TMEM232: variants seen among roughly 807,000 people sequenced by gnomAD.
TMEM232 encodes the protein transmembrane protein 232.
TMEM232 carries 80 observed loss-of-function variants against 78.8 expected under a neutral mutation model. The ratio of observed to expected loss-of-function variants is 1.01; its 90% CI spans 0.85 to 1.22. The LOEUF is 1.22. TMEM232 is among the 50% of genes most tolerant of loss of function. The pLI is 0.00. For missense variants in TMEM232, 881 were observed against 742.2 expected, an observed-to-expected ratio of 1.19 and a Z score of -2.17; for synonymous variants, 297 against 254.3, an observed-to-expected ratio of 1.17 and a Z score of -1.60.
At chr5:110,561,847 G>A (rs1775783776) in intron 11 of TMEM232, among the ~76,000 whole-genome samples, 2 of 152,054 alleles carry the variant, frequency 1.3e-5, no homozygotes, top group Admixed American at 6.6e-5. Flanking sequence ...GCTGGATAAT[G>A]CACTTATTGA....
chr5:110,704,792 G>A lies in TMEM232; in HGVS notation c.-13+21835C>T, dbSNP rs190423284. Among the ~76,000 whole-genome samples the A allele has an allele frequency of 9.9e-5, 15 of 152,160 alleles. No individual in the cohort carries two copies. The East Asian group carries it at 2.7e-3, about 28-fold the overall frequency. On this transcript the variant is annotated intron_variant, in intron 1 of 13. Coordinates refer to ENST00000455884, the MANE Select transcript of TMEM232 (RefSeq NM_001039763.4). ...TCCCAATTCCATGCCTGATTGGGCA[G>A]TTTTTAATACTTTGCAAGTAGATCA...
chr5:110,671,877 C>G (rs921346928), intron 1 of TMEM232, among the ~76,000 whole-genome samples: 3 of 151,796 alleles, frequency 2.0e-5, no homozygotes, highest in Non-Finnish European at 4.4e-5. Context: ...ACATGTATCC[C>G]AAAACTTAAA....
chr5:110,707,876 C>T (rs745334970), intron 1 of TMEM232, among the ~76,000 whole-genome samples: 6 of 152,148 alleles, frequency 3.9e-5, no homozygotes, highest in Non-Finnish European at 7.3e-5. Flanking sequence ...GTTCCAGACC[C>T]CAGCTTATGA....
At chr5:110,585,701 G>A (rs1275172751) in intron 10 of TMEM232, among the ~76,000 whole-genome samples, 1 of 152,058 alleles carries the variant, frequency 6.6e-6, no homozygotes, top group African/African-American at 2.4e-5. Flanking sequence ...AGTTCCAAGA[G>A]CTCTGGGTGA....
chr5:110,714,158 A>G (rs184388281), intron 1 of TMEM232, among the ~76,000 whole-genome samples: 2 of 152,240 alleles, frequency 1.3e-5, no homozygotes, highest in African/African-American at 4.8e-5. Flanking sequence ...GTTAACTGAG[A>G]GTATAATTTG....
intron 12 of TMEM232, among the ~76,000 whole-genome samples, chr5:110,465,202 C>CTGTT (rs1458668019): frequency 6.6e-6 from 1 of 152,240 alleles, no homozygotes; most frequent in African/African-American, 2.4e-5. Flanking sequence ...GAAGATTAGA[C>CTGTT]TGTTTAGAAA....
chr5:110,605,548 A>C (rs1486281020), intron 9 of TMEM232, among the ~76,000 whole-genome samples, 190 bp from the exon 10 acceptor site: 6 of 152,158 alleles, frequency 3.9e-5, no homozygotes, highest in Non-Finnish European at 5.9e-5. Context: ...ATAGATAGCT[A>C]ATAATTATAT....
chr5:110,424,379 C>T (rs1224487117), intron 13 of TMEM232, among the ~76,000 whole-genome samples: 3 of 152,146 alleles, frequency 2.0e-5, no homozygotes, highest in Admixed American at 2.0e-4. Context: ...AAAGTATCTT[C>T]TGTGAATAGT....
chr5:110,457,321 G>A (rs1350421165), intron 12 of TMEM232, among the ~76,000 whole-genome samples: 1 of 152,020 alleles, frequency 6.6e-6, no homozygotes, highest in East Asian at 1.9e-4. Context: ...AGATACCACT[G>A]CAAACCTATA....
chr5:110,428,609 C>G (rs951189109), intron 12 of TMEM232, among the ~76,000 whole-genome samples: 3 of 151,510 alleles, frequency 2.0e-5, no homozygotes, highest in African/African-American at 7.3e-5. Flanking sequence ...CAGTATGTTT[C>G]CACTAGCTAA....
chr5:110,512,351 C>T (rs1009256963), intron 12 of TMEM232, among the ~76,000 whole-genome samples: 1 of 152,180 alleles, frequency 6.6e-6, no homozygotes, highest in Non-Finnish European at 1.5e-5. Context: ...GGTGGACAAC[C>T]AACATGCTAG....
At chr5:110,599,161 C>T (rs1780565738) in intron 10 of TMEM232, among the ~76,000 whole-genome samples, 1 of 152,022 alleles carries the variant, frequency 6.6e-6, no homozygotes, top group African/African-American at 2.4e-5. Context: ...ACAAGAGCTC[C>T]TGAAAGAGGC....
intron 1 of TMEM232, among the ~76,000 whole-genome samples, chr5:110,686,851 T>G (rs1402855352): frequency 6.6e-6 from 1 of 152,152 alleles, no homozygotes; most frequent in African/African-American, 2.4e-5. Flanking sequence ...TTCACAGTCA[T>G]GAGACCAAGG....
intron 1 of TMEM232, among the ~76,000 whole-genome samples, chr5:110,717,352 C>G (rs990557241): frequency 6.6e-6 from 1 of 152,046 alleles, no homozygotes; most frequent in South Asian, 2.1e-4. Flanking sequence ...TTAATGACGC[C>G]ATTTACTCTG....
At chr5:110,662,742 T>G (rs991067317) in intron 2 of TMEM232, among the ~76,000 whole-genome samples, 1 of 152,078 alleles carries the variant, frequency 6.6e-6, no homozygotes, top group Non-Finnish European at 1.5e-5. Flanking sequence ...GAGAAAGGAT[T>G]TTTTCCATAT....
chr5:110,589,181 GA>G (rs1167161188), intron 10 of TMEM232, among the ~76,000 whole-genome samples: 1 of 152,032 alleles, frequency 6.6e-6, no homozygotes, highest in African/African-American at 2.4e-5. Context: ...TCTGTAACAG[GA>G]ATTAAGAAAA....
intron 7 of TMEM232, among the ~76,000 whole-genome samples, chr5:110,619,663 T>C (rs1783382992): frequency 6.6e-6 from 1 of 152,184 alleles, no homozygotes; most frequent in Non-Finnish European, 1.5e-5. Context: ...AGTCCACATA[T>C]AACTCAATTT....
chr5:110,649,140 T>C (rs369744860), intron 2 of TMEM232, among the ~76,000 whole-genome samples: 2 of 152,062 alleles, frequency 1.3e-5, no homozygotes, highest in African/African-American at 4.8e-5. Flanking sequence ...ACAAACAATA[T>C]AGACGATCTT....
At chr5:110,670,469 A>C (rs1264753233) in intron 1 of TMEM232, among the ~76,000 whole-genome samples, 2 of 152,192 alleles carry the variant, frequency 1.3e-5, no homozygotes, top group Middle Eastern at 3.2e-3. Context: ...ACCACTGCTC[A>C]ACAAAATAAA....
Sources: gnomAD v4.1 joint callset for allele counts (sites outside exome capture counted in the v4.1 genomes callset) on GRCh38, gnomAD v4.1.1 for gene constraint, MANE v1.5 for transcripts, NCBI Gene and HGNC (gene_info 2026-07-23, HGNC 2026-07-21) for gene names.